EPHA6: variants seen among roughly 807,000 people sequenced by gnomAD.
EPHA6 encodes the protein EPH receptor A6.
A neutral mutation model predicts 112.0 loss-of-function variants in EPHA6; 50 were observed. The ratio of observed to expected loss-of-function variants is 0.45; its 90% CI spans 0.36 to 0.56. The LOEUF is 0.56. Among genes scored for constraint, EPHA6 ranks in the 20% least tolerant of loss-of-function variants. EPHA6 has a pLI of 0.00. For synonymous variants in EPHA6, 529 were observed against 490.7 expected (o/e 1.08, Z -1.03); for missense variants, 1,280 against 1,417.4 (o/e 0.90, Z 1.56).
intron 11 of EPHA6, among the ~76,000 whole-genome samples, chr3:97,586,904 A>G (rs1487323448): frequency 1.3e-5 from 2 of 152,196 alleles, no homozygotes; most frequent in African/African-American, 2.4e-5. Context: ...CAGTAAGGGA[A>G]TGGCTACTAT....
At chr3:97,644,449 T>C (rs1469542784) in intron 14 of EPHA6, among the ~76,000 whole-genome samples, 1 of 150,384 alleles carries the variant, frequency 6.6e-6, no homozygotes, top group Non-Finnish European at 1.5e-5. Flanking sequence ...AGAGCAGAAC[T>C]GAAGGAAATA....
chr3:97,214,307 A>G (rs1246813780), intron 3 of EPHA6, among the ~76,000 whole-genome samples: 1 of 151,992 alleles, frequency 6.6e-6, no homozygotes, highest in African/African-American at 2.4e-5. Flanking sequence ...CTAAAGTGAT[A>G]GGGATTACAG....
At chr3:97,151,952 T>A (rs1423438899) in intron 3 of EPHA6, among the ~76,000 whole-genome samples, 1 of 152,008 alleles carries the variant, frequency 6.6e-6, no homozygotes, top group African/African-American at 2.4e-5. Context: ...ATTTACTGAG[T>A]GCTTATTATG....
At chr3:97,138,527 T>C in intron 3 of EPHA6, among the ~76,000 whole-genome samples, 1 of 152,230 alleles carries the variant, frequency 6.6e-6, no homozygotes, top group East Asian at 1.9e-4. Context: ...TAGCAACCAT[T>C]GCTTCATCTG....
intron 5 of EPHA6, among the ~76,000 whole-genome samples, chr3:97,368,662 A>C (rs542474573): frequency 6.8e-4 from 103 of 152,324 alleles, no homozygotes; most frequent in African/African-American, 2.4e-3. Context: ...AACATTTAAA[A>C]GCCTTTTTGA....
intron 3 of EPHA6, among the ~76,000 whole-genome samples, chr3:97,119,026 T>C (rs1195582672): frequency 6.6e-6 from 1 of 151,958 alleles, no homozygotes; most frequent in Non-Finnish European, 1.5e-5. Context: ...GTACAAGAAA[T>C]GCTAGCCTTC....
chr3:97,215,703 T>G (rs961998902), intron 3 of EPHA6, among the ~76,000 whole-genome samples: 1 of 152,142 alleles, frequency 6.6e-6, no homozygotes, highest in Non-Finnish European at 1.5e-5. Context: ...AAAATTGACT[T>G]TTGCCATATG....
chr3:97,209,973 G>A (rs1419191834), intron 3 of EPHA6, among the ~76,000 whole-genome samples: 1 of 152,086 alleles, frequency 6.6e-6, no homozygotes, highest in Non-Finnish European at 1.5e-5. Flanking sequence ...TGAAATAAAA[G>A]TTGTGTAATA....
intron 3 of EPHA6, among the ~76,000 whole-genome samples, chr3:97,118,425 G>A (rs2047954820): frequency 6.6e-6 from 1 of 151,784 alleles, no homozygotes; most frequent in Admixed American, 6.6e-5. Flanking sequence ...TGTACAGTAT[G>A]TTTGACAAAT....
intron 3 of EPHA6, among the ~76,000 whole-genome samples, chr3:97,089,470 G>A (rs2046999388): frequency 1.3e-5 from 2 of 151,898 alleles, no homozygotes; most frequent in Admixed American, 6.6e-5. Flanking sequence ...TCTTTCTGAT[G>A]GTGGTATATC....
At chr3:97,236,432 G>C (rs979451039) in intron 4 of EPHA6, among the ~76,000 whole-genome samples, 4 of 151,988 alleles carry the variant, frequency 2.6e-5, no homozygotes, top group Non-Finnish European at 5.9e-5. Context: ...TAAATCAATA[G>C]AGAAATTGTC....
At chr3:97,227,068 G>C (rs1489994964) in intron 4 of EPHA6, among the ~76,000 whole-genome samples, 1 of 151,528 alleles carries the variant, frequency 6.6e-6, no homozygotes, top group African/African-American at 2.4e-5. Flanking sequence ...TAAAATATCA[G>C]TACATTTAAA....
chr3:97,289,023 C>A (rs955018210), intron 5 of EPHA6, among the ~76,000 whole-genome samples: 2 of 149,598 alleles, frequency 1.3e-5, no homozygotes, highest in Non-Finnish European at 3.0e-5. Context: ...ATATTTTCTC[C>A]CATTCTGTAT....
At chr3:97,721,188 T>C (rs2034511594) in intron 15 of EPHA6, among the ~76,000 whole-genome samples, 1 of 152,202 alleles carries the variant, frequency 6.6e-6, no homozygotes, top group Admixed American at 6.5e-5. Context: ...ATAATGTGAT[T>C]CTGAATGTTC....
chr3:97,580,919 G>T (rs574475675), intron 11 of EPHA6, among the ~76,000 whole-genome samples: 9 of 152,150 alleles, frequency 5.9e-5, no homozygotes, highest in Non-Finnish European at 8.8e-5. Flanking sequence ...CCAACACACT[G>T]TTATTACTTT....
At chr3:96,899,901 A>C (rs980108443) in intron 2 of EPHA6, among the ~76,000 whole-genome samples, 3 of 152,218 alleles carry the variant, frequency 2.0e-5, no homozygotes, top group Admixed American at 1.3e-4. Context: ...GTGACCTCTA[A>C]CAGCCTTATA....
At chr3:96,967,243 A>G (rs1044422232) in intron 2 of EPHA6, among the ~76,000 whole-genome samples, 2 of 150,186 alleles carry the variant, frequency 1.3e-5, no homozygotes, top group Non-Finnish European at 3.0e-5. Context: ...AGAAATTATT[A>G]TATAATTTTA....
At chr3:97,523,909 C>T (rs1044322685) in intron 10 of EPHA6, among the ~76,000 whole-genome samples, 1 of 151,970 alleles carries the variant, frequency 6.6e-6, no homozygotes, top group South Asian at 2.1e-4. Context: ...CTAATACAAG[C>T]ATAATCACTC....
At chr3:97,275,577 C>A (rs1248339237) in intron 5 of EPHA6, among the ~76,000 whole-genome samples, 2 of 152,074 alleles carry the variant, frequency 1.3e-5, no homozygotes, top group Non-Finnish European at 2.9e-5. Context: ...AGGCACAGAT[C>A]CTGAACTAAC....
Sources: gnomAD v4.1 joint callset for allele counts (sites outside exome capture counted in the v4.1 genomes callset) on GRCh38, gnomAD v4.1.1 for gene constraint, MANE v1.5 for transcripts, NCBI Gene and HGNC (gene_info 2026-07-23, HGNC 2026-07-21) for gene names.